Variants in THSD7B observed in about 807,000 individuals in gnomAD.
THSD7B encodes thrombospondin type-1 domain-containing protein 7B.
In THSD7B, 138 loss-of-function variants were observed where a neutral mutation model predicts 213.6. The observed-to-expected ratio is 0.65, with a 90% CI of 0.56 to 0.74. THSD7B has a LOEUF of 0.74. THSD7B is among the 30% of genes least tolerant of loss of function. THSD7B has a pLI of 0.00. For synonymous variants in THSD7B, 742 were observed against 687.0 expected (o/e 1.08, Z -1.25); for missense variants, 1,931 against 1,991.5 (o/e 0.97, Z 0.58).
At chr2:136,848,972 C>T (rs940437922) in intron 1 of THSD7B, among the ~76,000 whole-genome samples, 4 of 152,124 alleles carry the variant, frequency 2.6e-5, no homozygotes, top group African/African-American at 9.7e-5. Flanking sequence ...TATGGCATCT[C>T]TGAGTATTCT....
At chr2:136,825,580 A>G (rs1573655975) in intron 1 of THSD7B, among the ~76,000 whole-genome samples, 1 of 151,862 alleles carries the variant, frequency 6.6e-6, no homozygotes, top group Non-Finnish European at 1.5e-5. Context: ...TTTTAGACAG[A>G]GTCTTGCTCT....
chr2:136,887,385 T>C (rs1683737638), intron 2 of THSD7B, among the ~76,000 whole-genome samples: 1 of 151,760 alleles, frequency 6.6e-6, no homozygotes, highest in Non-Finnish European at 1.5e-5. Context: ...TGATATAGTT[T>C]GGATGTTTGT....
intron 15 of THSD7B, among the ~76,000 whole-genome samples, chr2:137,550,599 A>G (rs574707119): frequency 6.6e-6 from 1 of 152,212 alleles, no homozygotes; most frequent in African/African-American, 2.4e-5. Context: ...TATGTTGTGT[A>G]GTGGGAAGGG....
intron 3 of THSD7B, among the ~76,000 whole-genome samples, chr2:137,077,388 G>T (rs1361911621): frequency 6.6e-6 from 1 of 152,172 alleles, no homozygotes; most frequent in Non-Finnish European, 1.5e-5. Flanking sequence ...CTAGATCCCT[G>T]AGGAATCGCC....
intron 7 of THSD7B, among the ~76,000 whole-genome samples, chr2:137,220,888 T>C (rs544345185): frequency 1.3e-5 from 2 of 152,178 alleles, no homozygotes; most frequent in African/African-American, 4.8e-5. Context: ...TGAATGAACC[T>C]AAATTGCACT....
intron 15 of THSD7B, among the ~76,000 whole-genome samples, chr2:137,459,527 G>A (rs1364151318): frequency 2.0e-5 from 3 of 151,988 alleles, no homozygotes; most frequent in Admixed American, 6.6e-5. Context: ...TTAGCTAGGT[G>A]TGGTGATAGG....
chr2:137,025,826 G>T (rs1033330285), intron 2 of THSD7B, among the ~76,000 whole-genome samples: 5 of 152,042 alleles, frequency 3.3e-5, no homozygotes. Flanking sequence ...TGACTGGCAG[G>T]TTGCACACTA....
intron 15 of THSD7B, among the ~76,000 whole-genome samples, chr2:137,475,130 G>A (rs927326208): frequency 3.7e-4 from 57 of 152,238 alleles, no homozygotes; most frequent in African/African-American, 1.3e-3. Flanking sequence ...TTGTTCATAT[G>A]TACTTAGATA....
At chr2:137,558,702 A>G (rs905854976) in intron 15 of THSD7B, among the ~76,000 whole-genome samples, 2 of 151,694 alleles carry the variant, frequency 1.3e-5, no homozygotes, top group African/African-American at 4.8e-5. Context: ...TAGTGTTGGA[A>G]GTTCTGGCCA....
At chr2:137,533,085 A>G (rs1436829364) in intron 15 of THSD7B, among the ~76,000 whole-genome samples, 1 of 151,498 alleles carries the variant, frequency 6.6e-6, no homozygotes, top group African/African-American at 2.4e-5. Context: ...ATGAAATAAT[A>G]TATTTTCTTA....
intron 2 of THSD7B, among the ~76,000 whole-genome samples, chr2:137,046,572 A>G (rs1172047271): frequency 6.6e-6 from 1 of 152,020 alleles, no homozygotes; most frequent in Non-Finnish European, 1.5e-5. Context: ...TCTACTAAAA[A>G]TACAAAAATT....
In THSD7B at chr2:136,807,509, G is replaced by GTTTTTTTTTTTTTTT. The variant is rs777353589; in HGVS notation, c.-36+41824_-36+41838dup. ...ACTTCCTAGCACTACAAAATGTTTC[G>GTTTTTTTTTTTTTTT]TTTTTTTTTTTTTTTTGAGACGGAG... On this transcript the variant is annotated intron_variant, in intron 1 of 27. Coordinates refer to ENST00000409968, the MANE Select transcript of THSD7B (RefSeq NM_001316349.2). Among the ~76,000 whole-genome samples, 318 of 104,834 alleles carry GTTTTTTTTTTTTTTT rather than the reference G, an allele frequency of 3.0e-3. 34 individuals carry two copies. Among genetic ancestry groups the GTTTTTTTTTTTTTTT allele is most frequent in the East Asian group, 4.3e-3 (14 of 3,222 alleles). The allele number at this position is 104,834 out of a possible 152,430, so 68.8% of individuals were successfully genotyped here.
chr2:137,099,329 A>G (rs1394207656), intron 4 of THSD7B, among the ~76,000 whole-genome samples: 1 of 152,142 alleles, frequency 6.6e-6, no homozygotes, highest in Non-Finnish European at 1.5e-5. Flanking sequence ...CCCAGATCTC[A>G]ACTAAGGGGA....
chr2:137,582,923 C>A (rs565545530), intron 17 of THSD7B, among the ~76,000 whole-genome samples: 2 of 152,306 alleles, frequency 1.3e-5, no homozygotes, highest in East Asian at 3.9e-4. Flanking sequence ...ACACTCTCTT[C>A]CATAATGGTT....
intron 2 of THSD7B, among the ~76,000 whole-genome samples, chr2:137,050,463 T>A (rs1247427716): frequency 6.6e-6 from 1 of 152,164 alleles, no homozygotes; most frequent in African/African-American, 2.4e-5. Context: ...TCCACAAAGA[T>A]GAAATGGATT....
chr2:136,992,545 G>A (rs987418390), intron 2 of THSD7B, among the ~76,000 whole-genome samples: 5 of 152,184 alleles, frequency 3.3e-5, no homozygotes, highest in South Asian at 2.1e-4. Context: ...GCCAATAAAC[G>A]GAGAACTATT....
At chr2:136,871,340 A>G (rs1406519728) in intron 1 of THSD7B, among the ~76,000 whole-genome samples, 3 of 152,170 alleles carry the variant, frequency 2.0e-5, no homozygotes, top group Non-Finnish European at 2.9e-5. Flanking sequence ...TCACCTGGAG[A>G]GTGAGCAAAG....
At chr2:137,103,799 G>A (rs548884527) in intron 4 of THSD7B, among the ~76,000 whole-genome samples, 20 of 152,120 alleles carry the variant, frequency 1.3e-4, no homozygotes, top group East Asian at 3.9e-4. Context: ...AGGGCATTAC[G>A]TAATGGTAAA....
At chr2:137,309,935 T>A (rs1683853115) in intron 12 of THSD7B, among the ~76,000 whole-genome samples, 1 of 152,024 alleles carries the variant, frequency 6.6e-6, no homozygotes, top group Non-Finnish European at 1.5e-5. Context: ...GTTCCAAGTC[T>A]TTGCTATTGT....
Sources: gnomAD v4.1 joint callset for allele counts (sites outside exome capture counted in the v4.1 genomes callset) on GRCh38, gnomAD v4.1.1 for gene constraint, MANE v1.5 for transcripts, NCBI Gene and HGNC (gene_info 2026-07-23, HGNC 2026-07-21) for gene names.